CIMIP6: variants seen among roughly 807,000 people sequenced by gnomAD.
CIMIP6 encodes the protein ciliary microtubule inner protein 6, also known as uncharacterized protein C2orf73.
the CIMIP6 span, among the ~76,000 whole-genome samples, chr2:54,367,370 G>T: frequency 6.6e-6 from 1 of 151,888 alleles, no homozygotes. Flanking sequence ...CCCTATGTCA[G>T]TTCCCCCAAC....
the CIMIP6 span, chr2:54,381,711 C>A: frequency 3.2e-6 from 4 of 1,247,758 alleles, no homozygotes; most frequent in South Asian, 1.9e-5. Context: ...ACTCCTGTGC[C>A]ATCTGCCCTT....
chr2:54,377,743 G>T, the CIMIP6 span, among the ~76,000 whole-genome samples: 1 of 141,602 alleles, frequency 7.1e-6, no homozygotes, highest in Admixed American at 7.0e-5. Context: ...TGGGCTTGGC[G>T]TCGGGGCTGG....
At chr2:54,360,183 G>C in the CIMIP6 span, 1 of 1,528,142 alleles carries the variant, frequency 6.5e-7, no homozygotes, top group Non-Finnish European at 8.8e-7. Context: ...GGTTAATGTC[G>C]ACTTTGTTTT....
chr2:54,362,805 C>T, the CIMIP6 span, among the ~76,000 whole-genome samples: 1 of 152,154 alleles, frequency 6.6e-6, no homozygotes, highest in African/African-American at 2.4e-5. Context: ...CCTCAGCCTC[C>T]CACAGTGCTG....
chr2:54,351,179 G>A, the CIMIP6 span, among the ~76,000 whole-genome samples: 10 of 152,110 alleles, frequency 6.6e-5, no homozygotes, highest in Non-Finnish European at 8.8e-5. Flanking sequence ...ACTCATTTAC[G>A]AAACAAAGTC....
the CIMIP6 span, among the ~76,000 whole-genome samples, chr2:54,332,649 T>C: frequency 6.6e-6 from 1 of 152,210 alleles, no homozygotes; most frequent in Non-Finnish European, 1.5e-5. Flanking sequence ...CACTTATTTA[T>C]CAACCCGTAG....
chr2:54,360,162 T>C, the CIMIP6 span: 2 of 1,485,554 alleles, frequency 1.3e-6, no homozygotes, highest in Non-Finnish European at 1.8e-6. Context: ...TCCAGCAATC[T>C]GCGTTCTCCT....
At chr2:54,337,818 T>G in the CIMIP6 span, among the ~76,000 whole-genome samples, 1 of 152,118 alleles carries the variant, frequency 6.6e-6, no homozygotes, top group Non-Finnish European at 1.5e-5. Flanking sequence ...GATAAGGGAA[T>G]CTGTCAGTGA....
the CIMIP6 span, among the ~76,000 whole-genome samples, chr2:54,351,312 G>C: frequency 6.6e-6 from 1 of 152,116 alleles, no homozygotes; most frequent in East Asian, 1.9e-4. Flanking sequence ...TATAAATAAA[G>C]ACACATGCAT....
At chr2:54,377,742 C>T in the CIMIP6 span, among the ~76,000 whole-genome samples, 3 of 143,086 alleles carry the variant, frequency 2.1e-5, no homozygotes, top group African/African-American at 5.4e-5. Flanking sequence ...TTGGGCTTGG[C>T]GTCGGGGCTG....
At chr2:54,334,454 C>T in the CIMIP6 span, among the ~76,000 whole-genome samples, 1 of 152,156 alleles carries the variant, frequency 6.6e-6, no homozygotes, top group Non-Finnish European at 1.5e-5. Context: ...GGTAATAAAA[C>T]TTTTAAAGAA....
At chr2:54,340,819 G>A in the CIMIP6 span, among the ~76,000 whole-genome samples, 1 of 152,122 alleles carries the variant, frequency 6.6e-6, no homozygotes, top group African/African-American at 2.4e-5. Flanking sequence ...AAAAAATATA[G>A]CCAGGCGTGG....
chr2:54,354,010 C>G, the CIMIP6 span, among the ~76,000 whole-genome samples: 1 of 152,068 alleles, frequency 6.6e-6, no homozygotes. Flanking sequence ...GGTCTTTAAT[C>G]TTAGAGTCCA....
At chr2:54,382,952 TTC>T in the CIMIP6 span, 2 of 152,252 alleles carry the variant, frequency 1.3e-5, no homozygotes, top group Non-Finnish European at 2.9e-5. Flanking sequence ...AGTATATGAC[TTC>T]TGAGACTAGA....
chr2:54,375,569 G>A, the CIMIP6 span, among the ~76,000 whole-genome samples: 5 of 152,146 alleles, frequency 3.3e-5, no homozygotes, highest in South Asian at 2.1e-4. Flanking sequence ...AATTGTACAC[G>A]TGTATATGTT....
the CIMIP6 span, among the ~76,000 whole-genome samples, chr2:54,370,454 C>G: frequency 3.4e-5 from 5 of 147,866 alleles, no homozygotes; most frequent in African/African-American, 1.2e-4. Flanking sequence ...AAAAAAAAAA[C>G]ATGTAAAGAC....
chr2:54,341,317 CCT>C, the CIMIP6 span, among the ~76,000 whole-genome samples: 7 of 152,068 alleles, frequency 4.6e-5, no homozygotes, highest in African/African-American at 1.7e-4. Context: ...AGTTTTGTCC[CCT>C]GTTGCCCTCT....
the CIMIP6 span, chr2:54,330,901 C>T: frequency 6.1e-6 from 9 of 1,464,496 alleles, no homozygotes; most frequent in Admixed American, 1.1e-4. Context: ...CCGCGCTTTG[C>T]GCACCCTTTT....
chr2:54,334,812 T>C, the CIMIP6 span: 3 of 1,528,706 alleles, frequency 2.0e-6, no homozygotes, highest in Non-Finnish European at 2.7e-6. Context: ...ATTTATGTTT[T>C]TCAGACAGCA....
Sources: gnomAD v4.1 joint callset for allele counts (sites outside exome capture counted in the v4.1 genomes callset) on GRCh38, gnomAD v4.1.1 for gene constraint, MANE v1.5 for transcripts, NCBI Gene and HGNC (gene_info 2026-07-23, HGNC 2026-07-21) for gene names.